Variants in THBS2 observed in about 807,000 individuals in gnomAD.
The protein encoded by THBS2 is thrombospondin-2.
THBS2 carries 47 observed loss-of-function variants against 135.2 expected under a neutral mutation model. That is an observed-to-expected ratio of 0.35 (90% CI 0.28 to 0.44). The LOEUF is 0.44. THBS2 is among the 20% of genes least tolerant of loss of function. The probability of loss-of-function intolerance (pLI) is 1.00; values close to 1 mark genes in which losing one functional copy is unlikely to be tolerated. For missense variants in THBS2, 1,288 were observed against 1,603.1 expected, an observed-to-expected ratio of 0.80 and a Z score of 3.36; for synonymous variants, 639 against 633.8, an observed-to-expected ratio of 1.01 and a Z score of -0.12.
At chr6:169,231,096 G>A (rs911764815) in intron 13 of THBS2, among the ~76,000 whole-genome samples, 3 of 152,142 alleles carry the variant, frequency 2.0e-5, no homozygotes, top group African/African-American at 7.2e-5. Context: ...TAGTGTCTTG[G>A]CGCCCGGGGA....
At chr6:169,247,239 C>T (rs1057011162) in intron 3 of THBS2, among the ~76,000 whole-genome samples, 5 of 152,178 alleles carry the variant, frequency 3.3e-5, no homozygotes, top group South Asian at 2.1e-4. Context: ...GAAAGGCGTG[C>T]GTTGTGTGTG....
chr6:169,223,969 A>G (rs144248543), intron 17 of THBS2, among the ~76,000 whole-genome samples: 6 of 152,304 alleles, frequency 3.9e-5, no homozygotes, highest in African/African-American at 1.2e-4. Flanking sequence ...GGTCCTTGTC[A>G]AGTTTTCAGC....
chr6:169,221,323 A>C, intron 20 of THBS2, 107 bp downstream of exon 20: 2 of 990,892 alleles, frequency 2.0e-6, no homozygotes, highest in South Asian at 2.8e-5. Flanking sequence ...TCCAGAGTAA[A>C]ACAAAAAGTT....
At position 169,237,774 on chromosome 6, in the gene THBS2, C is replaced by A; in HGVS notation, c.1151G>T (p.Trp384Leu). Residue 384 changes from tryptophan (W) to leucine (L), a missense_variant, in exon 8 of 22, where the codon TGG becomes TTG. Physicochemically the swap from Trp to Leu is moderately conservative, Grantham distance 61. Transcript: ENST00000617924. ...CLHSVDGEEG[W>L]SPWAEWTQCS... is the part of the protein sequence containing the mutation. ...CTGGGTCCACTCTGCCCACGGAGAC[C>A]AGCCCTCCTCACCGTCCACCGCTGC... The A allele has an allele frequency of 6.2e-7, 1 of 1,610,788 alleles. No individual in the cohort carries two copies.
rs755032590 is a variant in THBS2, at chr6:169,225,202, G to C, written c.2716C>G (p.Pro906Ala). 3 of 1,614,204 alleles carry C rather than the reference G, an allele frequency of 1.9e-6. No individual in the cohort carries two copies. Among genetic ancestry groups the C allele is most frequent in the Non-Finnish European group, 2.5e-6 (3 of 1,180,028 alleles). The change falls in exon 17 of 22, where the codon CCC becomes GCC. Residue 906 changes from proline to alanine, a missense_variant. Pro to Ala is a conservative substitution (Grantham distance 27, BLOSUM62 -1). This residue lies in a region of THBS2 where 874 missense variants were observed against 1,156.1 expected (regional missense o/e 0.76). Coordinates refer to ENST00000617924, the MANE Select transcript of THBS2 (RefSeq NM_003247.5). ...AGCCGGCAGTTGTCCCTGTCATCGG[G>C]GACGCCATCGTTGTCATCATCAGGG... ...CDPDDDNDGV[P>A]DDRDNCRLVF...
At chr6:169,222,792 C>G (rs1215439627) in intron 18 of THBS2, among the ~76,000 whole-genome samples, 3 of 79,076 alleles carry the variant, frequency 3.8e-5, no homozygotes, top group Admixed American at 1.5e-4. Context: ...AAGACTCCAT[C>G]TCAAAAAAAA....
Position 169,240,463 on chromosome 6 carries a change from A to G in THBS2, c.1021T>C (p.Cys341Arg). Residue 341 changes from cysteine (C) to arginine (R), a missense_variant, in exon 6 of 22, where the codon TGT becomes CGT. Physicochemically the swap from Cys to Arg is radical, Grantham distance 180 (BLOSUM62 -3). Coordinates refer to ENST00000617924, the MANE Select transcript of THBS2 (RefSeq NM_003247.5). Reference protein sequence around the residue: ...ETWVVDSCTTCTCKKFKTICH... With the variant: ...ETWVVDSCTTRTCKKFKTICH... ...TTCTGGGGCCTCACCTTGCAGGTACACGTGGTGCAGCTGTCCACCACCCAC... is the reference window on the plus strand; with the variant it reads ...TTCTGGGGCCTCACCTTGCAGGTACGCGTGGTGCAGCTGTCCACCACCCAC... 6.2e-7 allele frequency: 1 copy of G among 1,613,518 alleles called. No homozygotes were observed. The highest frequency in any genetic ancestry group is 8.5e-7 in the Non-Finnish European group (1 of 1,179,952).
chr6:169,240,743 T>C, intron 5 of THBS2, 151 bp from the exon 6 acceptor site: 1 of 1,051,588 alleles, frequency 9.5e-7, no homozygotes, highest in South Asian at 1.7e-5. Context: ...TTCCGGAAGT[T>C]GTCCTCCATC....
chr6:169,217,954 A>C, intron 21 of THBS2, 125 bp from the exon 22 acceptor site: 7 of 756,722 alleles, frequency 9.3e-6, no homozygotes, highest in Non-Finnish European at 1.4e-5. Context: ...TATCATATGG[A>C]TGGATGGATG....
In THBS2 at chr6:169,216,697, C is replaced by T. The variant is rs1779184471; in HGVS notation, c.*1125G>A. The T allele has an allele frequency of 1.3e-5, 2 of 152,114 alleles. No homozygotes were observed. The highest frequency in any genetic ancestry group is 4.8e-5 in the African/African-American group (2 of 41,408). 9.4% of individuals were successfully genotyped at this position (152,114 alleles called of 1,614,324 possible). A position where few individuals can be genotyped will look rare whatever the true frequency, so the allele number is the denominator to read the frequency against. On this transcript the variant is annotated 3_prime_UTR_variant, in exon 22 of 22. Transcript: ENST00000617924. ...GTGACAACCTAATATTATCAAGCCT[C>T]ATATTTTCACAGGATTATATACTTA... is the stretch of plus-strand genomic sequence containing the variant.
chr6:169,217,681 CAGGAGGTG>C lies in THBS2; in HGVS notation c.*133_*140del, dbSNP rs71668022. 0.095 allele frequency: 86,100 copies of C among 903,904 alleles called. 4,350 individuals are homozygous for C. Among genetic ancestry groups the C allele is most frequent in the Middle Eastern group, 0.13 (406 of 3,178 alleles). 56.0% of individuals were successfully genotyped at this position (903,904 alleles called of 1,614,324 possible). A position where few individuals can be genotyped will look rare whatever the true frequency, so the allele number is the denominator to read the frequency against. On this transcript the variant is annotated 3_prime_UTR_variant, in exon 22 of 22. Transcript: ENST00000617924. Reference sequence around the variant, plus strand: ...AGGCACTTGGGTTTGGGGTTGCTGGCAGGAGGTGAAGAACCATCAGAGTTAAGGTCAAG... The same window carrying C: ...AGGCACTTGGGTTTGGGGTTGCTGGCAAGAACCATCAGAGTTAAGGTCAAG...
intron 1 of THBS2, among the ~76,000 whole-genome samples, chr6:169,251,709 C>G (rs796918785): frequency 1.1e-4 from 17 of 152,334 alleles, no homozygotes; most frequent in African/African-American, 4.1e-4. Context: ...AGGACTCTCC[C>G]TCTCCAGAAA....
At chr6:169,251,021 G>A (rs764100650) in intron 1 of THBS2, among the ~76,000 whole-genome samples, 6 of 152,250 alleles carry the variant, frequency 3.9e-5, no homozygotes, top group Admixed American at 2.0e-4. Context: ...AGCATTTGCC[G>A]GCAAGCACTG....
chr6:169,239,663 G>T lies in THBS2; in HGVS notation c.1065C>A (p.Cys355Ter). 6.2e-7 allele frequency: 1 copy of T among 1,604,218 alleles called. No individual in the cohort carries two copies. The highest frequency in any genetic ancestry group is 8.5e-7 in the Non-Finnish European group (1 of 1,175,866). ...KFKTICHQIT[C>*]PPATCASPSF... ...ATGGACTGGCGCAGGTTGCAGGCGG[G>T]CAGGTGATTTGGTGGCAAATGGTTT... is the stretch of plus-strand genomic sequence containing the variant. The change falls in exon 7 of 22, where the codon TGC (cysteine) becomes TGA (stop). Residue 355 changes from cysteine (C) to a stop codon, truncating the protein, a stop_gained. Coordinates refer to ENST00000617924, the MANE Select transcript of THBS2 (RefSeq NM_003247.5). LOFTEE classifies it high-confidence loss of function.
intron 7 of THBS2, among the ~76,000 whole-genome samples, chr6:169,238,179 C>T (rs898288542): frequency 1.3e-5 from 2 of 152,152 alleles, no homozygotes; most frequent in Non-Finnish European, 2.9e-5. Context: ...AAAAATGTAA[C>T]GTATTTCCAT....
intron 19 of THBS2, 31 bp downstream of exon 19, chr6:169,222,166 G>A (rs908273309): frequency 6.4e-7 from 1 of 1,570,508 alleles, no homozygotes; most frequent in African/African-American, 1.3e-5. Flanking sequence ...TGGTGCAGAG[G>A]AGATGTGTGG....
intron 14 of THBS2, among the ~76,000 whole-genome samples, chr6:169,228,934 T>C (rs907850681): frequency 6.8e-6 from 1 of 146,764 alleles, no homozygotes; most frequent in Non-Finnish European, 1.5e-5. Context: ...GAGTTAGCCC[T>C]CGCCAAACAC....
In THBS2 at chr6:169,237,825, A is replaced by T. The variant is rs770072339; in HGVS notation, c.1130-30T>A. On this transcript the variant is annotated intron_variant, in intron 7 of 21. Transcript: ENST00000617924. ...CAGAGGAAGCAAACACGGTGGCATC[A>T]GGCCCTGCCTCACAGACGTGCCACA... is the stretch of plus-strand genomic sequence containing the variant. 54 of 1,596,456 alleles carry T rather than the reference A, an allele frequency of 3.4e-5. 1 individual carries two copies. The East Asian group carries it at 1.2e-3, about 34-fold the overall frequency.
chr6:169,220,248 A>T lies in THBS2; in HGVS notation c.3461T>A (p.Val1154Asp). 1.2e-6 allele frequency: 2 copies of T among 1,613,964 alleles called. No homozygotes were observed. The highest frequency in any genetic ancestry group is 1.7e-6 in the Non-Finnish European group (2 of 1,179,960). Residue 1154 changes from valine to aspartate, a missense_variant, in exon 21 of 22, where the codon GTC (valine) becomes GAC (aspartate). This residue lies in a region of THBS2 where 874 missense variants were observed against 1,156.1 expected (regional missense o/e 0.76). Coordinates refer to ENST00000617924, the MANE Select transcript of THBS2 (RefSeq NM_003247.5). ...TYAGGRLGLF[V>D]FSQEMVYFSD... is the part of the protein sequence containing the mutation. ...GAAATAGACCATTTCTTGAGAGAAG[A>T]CAAATAGACCCAGCCGCCCGCCAGC...
Sources: allele counts gnomAD v4.1 joint callset (sites outside exome capture counted in the v4.1 genomes callset), GRCh38; gene constraint gnomAD v4.1.1; regional missense constraint gnomAD v4.1.1; transcripts MANE v1.5; gene names NCBI Gene and HGNC (gene_info 2026-07-23, HGNC 2026-07-21).